Variants in SLC25A26 observed in about 807,000 individuals in gnomAD.
SLC25A26 encodes solute carrier family 25 member 26, also known as mitochondrial S-adenosylmethionine carrier protein.
In SLC25A26, 36 loss-of-function variants were observed where a neutral mutation model predicts 37.8. That is an observed-to-expected ratio of 0.95 (90% CI 0.73 to 1.26). The LOEUF is 1.26. Ranked by LOEUF, SLC25A26 falls within the 50% of genes most tolerant of loss-of-function variation. The pLI, the probability that SLC25A26 is intolerant of heterozygous loss-of-function variation, is 0.00. For synonymous variants in SLC25A26, 129 were observed against 122.5 expected (o/e 1.05, Z -0.35); for missense variants, 390 against 331.1 (o/e 1.18, Z -1.38).
chr3:66,326,941 AC>A (rs1337468177), intron 5 of SLC25A26, among the ~76,000 whole-genome samples: 1 of 152,172 alleles, frequency 6.6e-6, no homozygotes, highest in Non-Finnish European at 1.5e-5. Flanking sequence ...TTAGCCTAAG[AC>A]CCTGGCAGTA....
upstream of SLC25A26, among the ~76,000 whole-genome samples, chr3:66,218,493 T>C (rs879054964): frequency 0.14 from 22,055 of 152,184 alleles, 1,725 homozygotes; most frequent in East Asian, 0.24. Context: ...TCATATCTCA[T>C]TGTGGTGTTC....
At chr3:66,303,049 C>T (rs1231000991) in intron 5 of SLC25A26, among the ~76,000 whole-genome samples, 1 of 152,130 alleles carries the variant, frequency 6.6e-6, no homozygotes, top group Non-Finnish European at 1.5e-5. Flanking sequence ...GGAGCACCTC[C>T]CGTGAGTAGT....
chr3:66,249,351 G>A, intron 3 of SLC25A26, among the ~76,000 whole-genome samples: 1 of 152,174 alleles, frequency 6.6e-6, no homozygotes, highest in Non-Finnish European at 1.5e-5. Flanking sequence ...GTCTCCTTTG[G>A]TATCAGCATA....
intron 1 of SLC25A26, among the ~76,000 whole-genome samples, chr3:66,192,873 T>A (rs1383379406): frequency 6.6e-6 from 1 of 152,166 alleles, no homozygotes; most frequent in Non-Finnish European, 1.5e-5. Context: ...AAGCTTTTAA[T>A]TAACATGAGA....
intron 5 of SLC25A26, among the ~76,000 whole-genome samples, chr3:66,283,072 G>T (rs1054271437): frequency 6.6e-6 from 1 of 152,016 alleles, no homozygotes; most frequent in South Asian, 2.1e-4. Flanking sequence ...GACGTATAGT[G>T]GAATACAAAA....
At chr3:66,139,755 TTACTC>T (rs999611947) in intron 1 of SLC25A26, among the ~76,000 whole-genome samples, 2 of 152,204 alleles carry the variant, frequency 1.3e-5, no homozygotes, top group Admixed American at 6.5e-5. Flanking sequence ...TGTCATTTGT[TTACTC>T]TACTTGAGTT....
intron 3 of SLC25A26, among the ~76,000 whole-genome samples, chr3:66,260,098 G>A (rs2073463756): frequency 6.6e-6 from 1 of 152,138 alleles, no homozygotes; most frequent in Non-Finnish European, 1.5e-5. Context: ...TCATCCAGAA[G>A]GTTCTATAAT....
At chr3:66,284,894 G>A (rs2074459319) in intron 5 of SLC25A26, among the ~76,000 whole-genome samples, 1 of 152,166 alleles carries the variant, frequency 6.6e-6, no homozygotes, top group South Asian at 2.1e-4. Context: ...CCATTTTGTA[G>A]GTTTGAGATT....
At chr3:66,275,406 TAA>T (rs200076219) in intron 5 of SLC25A26, among the ~76,000 whole-genome samples, 1 of 147,596 alleles carries the variant, frequency 6.8e-6, no homozygotes, top group African/African-American at 2.5e-5. Flanking sequence ...ATAATAATAG[TAA>T]AAAAAAAAAT....
At chr3:66,180,635 A>G (rs956497775) in intron 1 of SLC25A26, among the ~76,000 whole-genome samples, 11 of 152,202 alleles carry the variant, frequency 7.2e-5, no homozygotes, top group African/African-American at 2.7e-4. Context: ...ATCTGGGCAG[A>G]AGTCAGAGCT....
At chr3:66,156,986 ACTTTGGGATG>A (rs2070292665) in intron 1 of SLC25A26, among the ~76,000 whole-genome samples, 1 of 152,206 alleles carries the variant, frequency 6.6e-6, no homozygotes, top group Non-Finnish European at 1.5e-5. Flanking sequence ...TAATCCCAGC[ACTTTGGGATG>A]CTGAGACAGG....
At chr3:66,326,410 C>T (rs981660496) in intron 5 of SLC25A26, among the ~76,000 whole-genome samples, 1 of 152,176 alleles carries the variant, frequency 6.6e-6, no homozygotes, top group Non-Finnish European at 1.5e-5. Context: ...GGGTTGCCTG[C>T]CCTGGTAGAG....
At chr3:66,232,163 G>A (rs555842852) in intron 1 of SLC25A26, among the ~76,000 whole-genome samples, 39 of 152,242 alleles carry the variant, frequency 2.6e-4, no homozygotes, top group African/African-American at 9.1e-4. Flanking sequence ...TTGCCAAATT[G>A]TCCTCCAGTA....
chr3:66,231,763 AT>A (rs377239684), intron 1 of SLC25A26, among the ~76,000 whole-genome samples: 12 of 137,872 alleles, frequency 8.7e-5, no homozygotes, highest in Admixed American at 7.4e-5. Flanking sequence ...GGTTTACCTC[AT>A]TTTTTTTTTT....
At chr3:66,137,377 C>T (rs377458848) in intron 1 of SLC25A26, among the ~76,000 whole-genome samples, 6 of 152,038 alleles carry the variant, frequency 3.9e-5, no homozygotes, top group African/African-American at 1.4e-4. Flanking sequence ...CAGGGGCCTG[C>T]CACCAGGCCT....
At chr3:66,336,033 T>C (rs1472515664) in intron 5 of SLC25A26, among the ~76,000 whole-genome samples, 1 of 152,210 alleles carries the variant, frequency 6.6e-6, no homozygotes, top group African/African-American at 2.4e-5. Flanking sequence ...GATTCTTTTC[T>C]AATTGTAATT....
chr3:66,291,809 A>G (rs1177952947), intron 5 of SLC25A26, among the ~76,000 whole-genome samples: 4 of 152,194 alleles, frequency 2.6e-5, no homozygotes, highest in East Asian at 1.9e-4. Context: ...GTAGATGTCT[A>G]TTAGGTCCCC....
intron 1 of SLC25A26, among the ~76,000 whole-genome samples, chr3:66,164,710 T>C (rs1342105526): frequency 6.6e-6 from 1 of 152,194 alleles, no homozygotes; most frequent in East Asian, 1.9e-4. Flanking sequence ...TTACAACCTT[T>C]AAAAATGTAA....
In SLC25A26 at chr3:66,205,028, T is replaced by C. The variant is rs1048393251; in HGVS notation, c.-353-15714T>C. On this transcript the variant is annotated intron_variant, in intron 1 of 10. Transcript: ENST00000676754. ...CATGTTTGGCTAAGAACATTGACTT[T>C]CTTATTTGTTAGTTATTTGTTTTAT... Among the ~76,000 whole-genome samples, 8 of 152,338 alleles carry C rather than the reference T, an allele frequency of 5.3e-5. No individual in the cohort carries two copies. In the East Asian group the frequency reaches 1.5e-3, roughly 29 times the overall value.
Sources: allele counts gnomAD v4.1 joint callset (sites outside exome capture counted in the v4.1 genomes callset), GRCh38; gene constraint gnomAD v4.1.1; transcripts MANE v1.5; gene names NCBI Gene and HGNC (gene_info 2026-07-23, HGNC 2026-07-21).